The following ZNF529 variants were observed in gnomAD, a reference collection of about 807,000 sequenced individuals.
The protein encoded by ZNF529 is zinc finger protein 529.
ZNF529 carries 11 observed loss-of-function variants against 10.1 expected under a neutral mutation model. The ratio of observed to expected loss-of-function variants is 1.09; its 90% CI spans 0.69 to 1.81. The LOEUF (loss-of-function observed/expected upper bound fraction) is 1.81, where lower values mean the gene tolerates loss of function less well. Ranked by LOEUF, ZNF529 falls within the 40% of genes most tolerant of loss-of-function variation. The pLI is 0.00. For synonymous variants in ZNF529, 204 were observed against 215.7 expected (o/e 0.95, Z 0.47); for missense variants, 624 against 666.8 (o/e 0.94, Z 0.71).
chr19:36,565,424 C>T (rs1428864842), intron 2 of ZNF529, among the ~76,000 whole-genome samples: 6 of 152,030 alleles, frequency 3.9e-5, no homozygotes, highest in African/African-American at 1.4e-4. Context: ...AAGAACAGGC[C>T]GGGCGCGGTG....
chr19:36,562,979 G>A (rs1369829227), intron 2 of ZNF529, among the ~76,000 whole-genome samples: 1 of 152,194 alleles, frequency 6.6e-6, no homozygotes, highest in African/African-American at 2.4e-5. Context: ...CGTCCTTTCT[G>A]GAGGATGCAG....
chr19:36,586,925 G>A (rs781250726), intron 2 of ZNF529, among the ~76,000 whole-genome samples: 5 of 152,140 alleles, frequency 3.3e-5, no homozygotes, highest in Non-Finnish European at 7.3e-5. Flanking sequence ...GAAAAAAGAC[G>A]AGTATGCTGT....
chr19:36,552,954 A>C (rs1035154731), intron 4 of ZNF529, among the ~76,000 whole-genome samples: 1 of 152,204 alleles, frequency 6.6e-6, no homozygotes, highest in Non-Finnish European at 1.5e-5. Context: ...GCAGTATAAT[A>C]GTTAAAAAAT....
upstream of ZNF529, among the ~76,000 whole-genome samples, chr19:36,576,544 C>T (rs1222896793): frequency 6.6e-6 from 1 of 152,014 alleles, no homozygotes; most frequent in African/African-American, 2.4e-5. Context: ...TAGTGAAACC[C>T]TGTCTCTACT....
intron 1 of ZNF529, among the ~76,000 whole-genome samples, chr19:36,572,755 T>G (rs540453700): frequency 6.6e-6 from 1 of 151,972 alleles, no homozygotes; most frequent in South Asian, 2.1e-4. Flanking sequence ...TTATCTATCA[T>G]TTATCTATCT....
rs73929008 is a variant in ZNF529, at chr19:36,565,913, T to C, written c.14+6420A>G. Among the ~76,000 whole-genome samples the C allele has an allele frequency of 9.8e-3, 1,490 of 152,246 alleles. 17 individuals are homozygous for C. Among genetic ancestry groups the C allele is most frequent in the African/African-American group, 0.033 (1,368 of 41,538 alleles). On this transcript the variant is annotated intron_variant, in intron 2 of 4. Coordinates refer to ENST00000591340, the MANE Select transcript of ZNF529 (RefSeq NM_020951.5). The stretch of plus-strand genomic sequence containing the variant: ...CAACATGAAGAGGAGCAGAACTGTA[T>C]AGGAACAGAGTTTTGGATATAGTAT...
chr19:36,582,145 T>C (rs2036477183), intron 2 of ZNF529: 1 of 152,190 alleles, frequency 6.6e-6, no homozygotes, highest in African/African-American at 2.4e-5. Context: ...CTTGTCGTGG[T>C]TGCCAGGGGC....
intron 2 of ZNF529, among the ~76,000 whole-genome samples, chr19:36,582,988 C>T (rs1161427554): frequency 6.6e-6 from 1 of 152,064 alleles, no homozygotes; most frequent in Non-Finnish European, 1.5e-5. Context: ...TCATCCATTC[C>T]TTTAAAAGCA....
At chr19:36,572,495 C>A in intron 1 of ZNF529, 103 bp from the exon 2 acceptor site, 1 of 868,380 alleles carries the variant, frequency 1.2e-6, no homozygotes, top group South Asian at 1.7e-5. Context: ...ACAAACACAC[C>A]CAGATCGAAG....
chr19:36,583,702 A>G (rs557741639), intron 2 of ZNF529, among the ~76,000 whole-genome samples: 1 of 152,352 alleles, frequency 6.6e-6, no homozygotes, highest in Admixed American at 6.5e-5. Flanking sequence ...TAATGAAAGC[A>G]TAATACTTAA....
At chr19:36,585,724 T>C (rs2036565578) in intron 2 of ZNF529, among the ~76,000 whole-genome samples, 1 of 152,342 alleles carries the variant, frequency 6.6e-6, no homozygotes. Flanking sequence ...TCATGACTCC[T>C]TTCCATACTC....
chr19:36,563,906 T>G (rs2035804567), intron 2 of ZNF529, among the ~76,000 whole-genome samples: 1 of 152,046 alleles, frequency 6.6e-6, no homozygotes, highest in Non-Finnish European at 1.5e-5. Context: ...CAAAACGCAA[T>G]GGTTTGGAAA....
At position 36,546,815 on chromosome 19, in the gene ZNF529, C is replaced by T. The variant is rs2145780404; in HGVS notation, c.*51G>A. The T allele has an allele frequency of 1.3e-6, 2 of 1,542,532 alleles. No homozygotes were observed. The highest frequency in any genetic ancestry group is 1.7e-6 in the Non-Finnish European group (2 of 1,145,208). On this transcript the variant is annotated 3_prime_UTR_variant, in exon 5 of 5. Transcript: ENST00000591340. The stretch of plus-strand genomic sequence containing the variant: ...CTTGATTACCTATTAAATCCATCCA[C>T]AGTATTTTCCTGTGAAAATCAGAAA...
intron 4 of ZNF529, among the ~76,000 whole-genome samples, chr19:36,550,713 A>T (rs1023318093): frequency 7.2e-5 from 11 of 152,100 alleles, no homozygotes; most frequent in South Asian, 2.1e-4. Flanking sequence ...GCTTTTTTTT[A>T]AAAAAGTAAA....
chr19:36,549,010 A>C (rs1328624642), intron 4 of ZNF529, among the ~76,000 whole-genome samples: 3 of 152,174 alleles, frequency 2.0e-5, no homozygotes, highest in Non-Finnish European at 1.5e-5. Flanking sequence ...CTCAAAAAAA[A>C]CCACCTCATT....
At chr19:36,567,883 A>G (rs1242305681) in intron 2 of ZNF529, among the ~76,000 whole-genome samples, 3 of 152,256 alleles carry the variant, frequency 2.0e-5, no homozygotes, top group African/African-American at 7.2e-5. Flanking sequence ...GACAGCCTGC[A>G]CGATGTGAAA....
At chr19:36,583,198 C>T (rs1310770978) in intron 2 of ZNF529, among the ~76,000 whole-genome samples, 2 of 151,818 alleles carry the variant, frequency 1.3e-5, no homozygotes, top group Non-Finnish European at 2.9e-5. Context: ...GCTGGGAGTA[C>T]AGGTGGGCAC....
Position 36,548,264 on chromosome 19 carries a change from G to A in ZNF529, c.294C>T (p.Asn98=). 1 of 1,612,398 alleles carries A rather than the reference G, an allele frequency of 6.2e-7. No homozygotes were observed. The highest frequency in any genetic ancestry group is 8.5e-7 in the Non-Finnish European group (1 of 1,179,158). The part of the protein sequence containing the change: ...HLSVGKDIIQ[N]TGSQWEVMES... ...CCATTACCTCCCACTGAGAACCAGT[G>A]TTTTGAATAATATCTTTTCCTACAG... Residue 98 remains asparagine (N), a synonymous_variant, in exon 5 of 5, where the codon AAC becomes AAT. Transcript: ENST00000591340.
At chr19:36,574,486 G>C (rs2036264218), upstream of ZNF529, among the ~76,000 whole-genome samples, 1 of 151,998 alleles carries the variant, frequency 6.6e-6, no homozygotes, top group Non-Finnish European at 1.5e-5. Flanking sequence ...GGCTTTACTA[G>C]TTTTTCAGGT....
Sources: allele counts gnomAD v4.1 joint callset (sites outside exome capture counted in the v4.1 genomes callset), GRCh38; gene constraint gnomAD v4.1.1; transcripts MANE v1.5; gene names NCBI Gene and HGNC (gene_info 2026-07-23, HGNC 2026-07-21).